MTMR6: variants seen among roughly 807,000 people sequenced by gnomAD.
MTMR6 encodes the protein phosphatidylinositol-3,5-bisphosphate 3-phosphatase MTMR6.
Under a neutral mutation model 80.1 loss-of-function variants are expected in MTMR6, and 47 were observed. The ratio of observed to expected loss-of-function variants is 0.59; its 90% CI spans 0.46 to 0.75. The LOEUF (loss-of-function observed/expected upper bound fraction) is 0.75. MTMR6 is among the 30% of genes least tolerant of loss of function. The pLI, the probability that MTMR6 is intolerant of heterozygous loss-of-function variation, is 0.00. For missense variants in MTMR6, 629 were observed against 730.9 expected, an observed-to-expected ratio of 0.86 and a Z score of 1.61; for synonymous variants, 254 against 253.0, an observed-to-expected ratio of 1.00 and a Z score of -0.04.
intron 11 of MTMR6, 54 bp downstream of exon 11, chr13:25,253,710 T>C (rs1957133502): frequency 6.9e-7 from 1 of 1,451,270 alleles, no homozygotes; most frequent in Non-Finnish European, 9.5e-7. Flanking sequence ...TGATTTTTGT[T>C]AGACCTCGGC....
At chr13:25,263,755 A>G (rs577228204) in intron 5 of MTMR6, among the ~76,000 whole-genome samples, 1 of 152,160 alleles carries the variant, frequency 6.6e-6, no homozygotes, top group African/African-American at 2.4e-5. Context: ...GCATGGTGGC[A>G]CATGCCTGTA....
rs777179785 is a variant in MTMR6, at chr13:25,257,791, G to A, written c.914C>T (p.Ser305Leu). Residue 305 changes from serine (S) to leucine (L), a missense_variant, in exon 8 of 14, where the codon TCG (serine) becomes TTG (leucine). Coordinates refer to ENST00000381801, the MANE Select transcript of MTMR6 (RefSeq NM_004685.5). ...VNDFYSGLES[S>L]GWLRHIKAVM... is the part of the protein sequence containing the mutation. ...AGCTTTGATATGGCGAAGCCATCCC[G>A]AGCTCTCCAAACCGGAGTAGAAATC... is the stretch of plus-strand genomic sequence containing the variant. 7 of 1,613,792 alleles carry A rather than the reference G, an allele frequency of 4.3e-6. No individual in the cohort carries two copies. Among genetic ancestry groups the A allele is most frequent in the South Asian group, 3.3e-5 (3 of 91,074 alleles).
Position 25,261,725 on chromosome 13 carries a change from G to A in MTMR6, c.669C>T (p.Ala223=), listed in dbSNP as rs371660230. 3.6e-5 allele frequency: 58 copies of A among 1,613,772 alleles called. No homozygotes were observed. The African/African-American group carries it at 5.5e-4, about 15-fold the overall frequency. The change falls in exon 6 of 14, where the codon GCC becomes GCT. Residue 223 remains alanine, a synonymous_variant. Transcript: ENST00000381801. The part of the protein sequence containing the change: ...RCLEDEHLLQ[A]ISKANPVNRY... ...GATTGACTGGATTGGCTTTACTAAT[G>A]GCTTGAAGCAAATGTTCATCCTCCA...
Position 25,276,112 on chromosome 13 carries a change from G to A in MTMR6, c.25-1925C>T, listed in dbSNP as rs559742741. On this transcript the variant is annotated intron_variant, in intron 1 of 13. Coordinates refer to ENST00000381801, the MANE Select transcript of MTMR6 (RefSeq NM_004685.5). ...TACTGTTTACTCCTCTTCATTGTGC[G>A]TGACTTGGCTGGAAAGGGCACTGTG... is the stretch of plus-strand genomic sequence containing the variant. 1.1e-3 allele frequency among the ~76,000 whole-genome samples: 172 copies of A among 152,198 alleles called. 1 individual carries two copies. Among genetic ancestry groups the A allele is most frequent in the Non-Finnish European group, 1.7e-3 (115 of 68,012 alleles).
chr13:25,257,424 G>A, intron 8 of MTMR6, 103 bp from the exon 9 acceptor site: 1 of 1,320,280 alleles, frequency 7.6e-7, no homozygotes, highest in South Asian at 1.5e-5. Context: ...GAAGTGCTAT[G>A]CCTGCAATGA....
intron 2 of MTMR6, among the ~76,000 whole-genome samples, chr13:25,273,038 AAAAGG>A (rs1394871274): frequency 1.1e-4 from 17 of 152,286 alleles, no homozygotes; most frequent in African/African-American, 3.9e-4. Flanking sequence ...ATAAAAAAAG[AAAAGG>A]AAACTCTTTC....
At chr13:25,282,669 G>A (rs1241819149) in intron 1 of MTMR6, among the ~76,000 whole-genome samples, 6 of 149,820 alleles carry the variant, frequency 4.0e-5, no homozygotes, top group Non-Finnish European at 8.9e-5. Flanking sequence ...GCCGTGGCAC[G>A]ATCTCGGCTC....
chr13:25,269,010 G>A (rs1409395992), intron 2 of MTMR6, among the ~76,000 whole-genome samples: 2 of 152,150 alleles, frequency 1.3e-5, no homozygotes, highest in Non-Finnish European at 1.5e-5. Flanking sequence ...AGATACTGTC[G>A]TGATCTAGCT....
At chr13:25,264,373 C>G (rs1424282506) in intron 5 of MTMR6, among the ~76,000 whole-genome samples, 1 of 151,930 alleles carries the variant, frequency 6.6e-6, no homozygotes, top group Non-Finnish European at 1.5e-5. Context: ...ATTAATAGAA[C>G]AGAGGAAATT....
rs186544282 is a variant in MTMR6, at chr13:25,270,595, T to C, written c.142-2654A>G. On this transcript the variant is annotated intron_variant, in intron 2 of 13. Transcript: ENST00000381801. ...GAGGGGTAGATGGAGTGGATGATAA[T>C]ATGACTAATTATTTCAGAAGGTACT... is the stretch of plus-strand genomic sequence containing the variant. 5.3e-5 allele frequency among the ~76,000 whole-genome samples: 8 copies of C among 152,256 alleles called. No individual in the cohort carries two copies. The East Asian group carries it at 1.5e-3, about 29-fold the overall frequency.
chr13:25,284,659 ATACT>A (rs1203783204), intron 1 of MTMR6, among the ~76,000 whole-genome samples: 1 of 152,230 alleles, frequency 6.6e-6, no homozygotes, highest in African/African-American at 2.4e-5. Context: ...TGCTTTTTAA[ATACT>A]TACACTTATT....
intron 2 of MTMR6, among the ~76,000 whole-genome samples, chr13:25,272,699 T>C (rs1201540070): frequency 6.6e-6 from 1 of 152,228 alleles, no homozygotes. Context: ...ACACGCAGTA[T>C]ACGGTTTTTT....
At chr13:25,256,584 G>A (rs773411264) in intron 9 of MTMR6, among the ~76,000 whole-genome samples, 42 of 152,002 alleles carry the variant, frequency 2.8e-4, no homozygotes, top group Non-Finnish European at 5.7e-4. Context: ...CTGCTCACAC[G>A]TTTAAAAGCA....
chr13:25,246,987 A>C lies in MTMR6; in HGVS notation c.*2245T>G, dbSNP rs1956992561. The stretch of plus-strand genomic sequence containing the variant: ...CAAGTTGGCAAGGGCACAAAAAAAT[A>C]GTGATTGTAATATAAGCAAGTGACA... On this transcript the variant is annotated 3_prime_UTR_variant, in exon 14 of 14. Transcript: ENST00000381801. The C allele has an allele frequency of 6.6e-6, 1 of 152,248 alleles. No individual in the cohort carries two copies. Among genetic ancestry groups the C allele is most frequent in the Non-Finnish European group, 1.5e-5 (1 of 68,034 alleles). The allele number at this position is 152,248 out of a possible 1,614,324, so 9.4% of individuals were successfully genotyped here.
Position 25,255,436 on chromosome 13 carries a change from G to T in MTMR6, c.1096-1002C>A, listed in dbSNP as rs145401577. On this transcript the variant is annotated intron_variant, in intron 9 of 13. Transcript: ENST00000381801. ...CCAGAGAGCAGCACCATCCATCCTGGCACCTAATTCAGAAACTTGGAAATC... is the reference window on the plus strand; with the variant it reads ...CCAGAGAGCAGCACCATCCATCCTGTCACCTAATTCAGAAACTTGGAAATC... Among the ~76,000 whole-genome samples, 14 of 152,240 alleles carry T rather than the reference G, an allele frequency of 9.2e-5. No individual in the cohort carries two copies. In the East Asian group the frequency reaches 2.5e-3, roughly 27 times the overall value.
chr13:25,267,733 C>A, intron 3 of MTMR6, 46 bp downstream of exon 3: 3 of 1,542,736 alleles, frequency 1.9e-6, no homozygotes, highest in African/African-American at 2.8e-5. Flanking sequence ...TCTTAGATAA[C>A]CCATCTCAAA....
intron 6 of MTMR6, among the ~76,000 whole-genome samples, chr13:25,259,469 T>G (rs1488428430): frequency 6.6e-6 from 1 of 152,196 alleles, no homozygotes; most frequent in African/African-American, 2.4e-5. Context: ...GAAAAGGAGC[T>G]CTTCATTTTG....
chr13:25,286,644 C>T (rs558131470), intron 1 of MTMR6, among the ~76,000 whole-genome samples: 1 of 152,158 alleles, frequency 6.6e-6, no homozygotes, highest in South Asian at 2.1e-4. Context: ...TTCCCTTCTC[C>T]AGAACTCTTG....
chr13:25,272,630 A>C (rs1258423643), intron 2 of MTMR6, among the ~76,000 whole-genome samples: 2 of 152,062 alleles, frequency 1.3e-5, no homozygotes, highest in Non-Finnish European at 2.9e-5. Flanking sequence ...ATTAATGTCT[A>C]TTGTTCCCAT....
Sources: allele counts gnomAD v4.1 joint callset (sites outside exome capture counted in the v4.1 genomes callset), GRCh38; gene constraint gnomAD v4.1.1; transcripts MANE v1.5; gene names NCBI Gene and HGNC (gene_info 2026-07-23, HGNC 2026-07-21).